The following TSPAN9 variants were observed in gnomAD, a reference collection of about 807,000 sequenced individuals.
The protein encoded by TSPAN9 is tetraspanin-9.
TSPAN9 carries 16 observed loss-of-function variants against 31.0 expected under a neutral mutation model. That is an observed-to-expected ratio of 0.52 (90% CI 0.35 to 0.78). The LOEUF is 0.78. Ranked by LOEUF, TSPAN9 falls within the 30% of genes least tolerant of loss-of-function variation. The pLI is 0.01. For synonymous variants in TSPAN9, 145 were observed against 121.6 expected (o/e 1.19, Z -1.27); for missense variants, 272 against 312.5 (o/e 0.87, Z 0.98).
intron 2 of TSPAN9, among the ~76,000 whole-genome samples, chr12:3,184,767 C>T (rs2098360306): frequency 6.6e-6 from 1 of 152,106 alleles, no homozygotes; most frequent in South Asian, 2.1e-4. Flanking sequence ...AGCTTGCACC[C>T]GGAGTTCCTG....
At chr12:3,110,120 C>T (rs1277110352) in intron 2 of TSPAN9, among the ~76,000 whole-genome samples, 7 of 151,828 alleles carry the variant, frequency 4.6e-5, no homozygotes, top group South Asian at 2.1e-4. Flanking sequence ...AGCACAAGAC[C>T]GGGAGTGGGC....
chr12:3,228,931 C>T (rs749500743), intron 3 of TSPAN9, among the ~76,000 whole-genome samples: 1 of 152,216 alleles, frequency 6.6e-6, no homozygotes, highest in Non-Finnish European at 1.5e-5. Flanking sequence ...TGGCTTGTGG[C>T]TGCATCACTG....
chr12:3,261,943 C>A (rs1198033452), intron 3 of TSPAN9, among the ~76,000 whole-genome samples: 1 of 152,214 alleles, frequency 6.6e-6, no homozygotes, highest in Non-Finnish European at 1.5e-5. Context: ...ACTTGGTGAC[C>A]CGCTTTTTGC....
intron 2 of TSPAN9, chr12:3,084,276 A>G (rs1308108015): frequency 6.6e-6 from 1 of 152,502 alleles, no homozygotes; most frequent in African/African-American, 2.4e-5. Context: ...GTGCCAGACT[A>G]CAGACCAGGC....
At chr12:3,111,858 C>T (rs1437259724) in intron 2 of TSPAN9, among the ~76,000 whole-genome samples, 4 of 151,992 alleles carry the variant, frequency 2.6e-5, no homozygotes, top group Non-Finnish European at 5.9e-5. Flanking sequence ...GTGATCCACC[C>T]GCCTTGGCCT....
intron 2 of TSPAN9, among the ~76,000 whole-genome samples, chr12:3,133,271 G>A (rs952964462): frequency 4.6e-5 from 7 of 152,078 alleles, no homozygotes; most frequent in Non-Finnish European, 1.0e-4. Flanking sequence ...GCTCTGTCCC[G>A]GGAGGCCTGG....
chr12:3,110,050 C>T (rs988025239), intron 2 of TSPAN9, among the ~76,000 whole-genome samples: 3 of 152,054 alleles, frequency 2.0e-5, no homozygotes, highest in Admixed American at 2.0e-4. Context: ...AGAATCAGTC[C>T]CACTCCCCAG....
chr12:3,175,604 G>A (rs12316174), intron 2 of TSPAN9, among the ~76,000 whole-genome samples: 6,221 of 97,644 alleles, frequency 0.064, 411 homozygotes, highest in African/African-American at 0.2. Flanking sequence ...GCACTTCCCA[G>A]CTTGTCTGGA....
At chr12:3,151,829 A>G (rs1387813771) in intron 2 of TSPAN9, among the ~76,000 whole-genome samples, 2 of 152,138 alleles carry the variant, frequency 1.3e-5, no homozygotes, top group Admixed American at 1.3e-4. Flanking sequence ...AGGCTGAGGC[A>G]GGAGAGTCGC....
At chr12:3,257,479 T>C (rs1221442740) in intron 3 of TSPAN9, among the ~76,000 whole-genome samples, 1 of 151,914 alleles carries the variant, frequency 6.6e-6, no homozygotes, top group African/African-American at 2.4e-5. Flanking sequence ...CGAGCCATCC[T>C]CTGCTTGATG....
intron 2 of TSPAN9, among the ~76,000 whole-genome samples, chr12:3,162,622 G>GGAA (rs1555146852): frequency 3.1e-4 from 2 of 6,434 alleles, no homozygotes; most frequent in African/African-American, 4.5e-4. Flanking sequence ...TGAATGTTTA[G>GGAA]AAAAAAAAAA....
Position 3,278,622 on chromosome 12 carries a change from G to A in TSPAN9, c.255+10G>A. ...GTGCCTCCTCCTCAGCGTAAGTTCT[G>A]TCCAAATCCCCAGCCCCTCCAACTC... On this transcript the variant is annotated intron_variant, in intron 4 of 8. Transcript: ENST00000011898. 1.9e-6 allele frequency: 3 copies of A among 1,609,770 alleles called. No individual in the cohort carries two copies. The highest frequency in any genetic ancestry group is 2.5e-6 in the Non-Finnish European group (3 of 1,176,996).
At chr12:3,244,707 G>A (rs2098398535) in intron 3 of TSPAN9, among the ~76,000 whole-genome samples, 1 of 152,190 alleles carries the variant, frequency 6.6e-6, no homozygotes, top group African/African-American at 2.4e-5. Flanking sequence ...GGTCTCTTTA[G>A]TCACGGTGTG....
At chr12:3,236,592 C>T (rs948200805) in intron 3 of TSPAN9, among the ~76,000 whole-genome samples, 1 of 152,148 alleles carries the variant, frequency 6.6e-6, no homozygotes, top group African/African-American at 2.4e-5. Flanking sequence ...GGATCTGAGT[C>T]TCACCCAGCC....
chr12:3,169,224 G>A (rs2098350365), intron 2 of TSPAN9, among the ~76,000 whole-genome samples: 6 of 152,194 alleles, frequency 3.9e-5, no homozygotes, highest in Admixed American at 3.3e-4. Context: ...ACCCAACTCT[G>A]TTTCGGGTGG....
intron 3 of TSPAN9, among the ~76,000 whole-genome samples, chr12:3,208,352 G>A (rs1231057650): frequency 6.6e-6 from 1 of 152,204 alleles, no homozygotes; most frequent in Non-Finnish European, 1.5e-5. Context: ...AGAGTTATAG[G>A]TAGGGAGAAG....
chr12:3,094,847 CTTT>C (rs61154605), intron 2 of TSPAN9, among the ~76,000 whole-genome samples: 134 of 101,940 alleles, frequency 1.3e-3, no homozygotes, highest in African/African-American at 5.4e-3. Context: ...AATCAATAAT[CTTT>C]TTTTTTTTTT....
At chr12:3,123,733 C>T (rs2098326162) in intron 2 of TSPAN9, among the ~76,000 whole-genome samples, 1 of 151,952 alleles carries the variant, frequency 6.6e-6, no homozygotes, top group African/African-American at 2.4e-5. Context: ...TGCAGGCACT[C>T]TCTGGGAGAG....
chr12:3,276,967 C>T (rs1862800881), intron 3 of TSPAN9, among the ~76,000 whole-genome samples: 1 of 152,182 alleles, frequency 6.6e-6, no homozygotes, highest in East Asian at 1.9e-4. Context: ...TCTGTTTCTT[C>T]CCAGGAACCA....
Sources: allele counts gnomAD v4.1 joint callset (sites outside exome capture counted in the v4.1 genomes callset), GRCh38; gene constraint gnomAD v4.1.1; transcripts MANE v1.5; gene names NCBI Gene and HGNC (gene_info 2026-07-23, HGNC 2026-07-21).